NFYC: variants seen among roughly 807,000 people sequenced by gnomAD.
The protein encoded by NFYC is CAAT box DNA-binding protein subunit C.
Under a neutral mutation model 53.1 loss-of-function variants are expected in NFYC, and 25 were observed. The ratio of observed to expected loss-of-function variants is 0.47; its 90% CI spans 0.34 to 0.66. NFYC has a LOEUF of 0.66. Among genes scored for constraint, NFYC ranks in the 30% least tolerant of loss-of-function variants. NFYC has a pLI of 0.01. For synonymous variants in NFYC, 145 were observed against 152.6 expected, an observed-to-expected ratio of 0.95 and a Z score of 0.37; for missense variants, 260 against 422.7, an observed-to-expected ratio of 0.62 and a Z score of 3.38.
intron 1 of NFYC, among the ~76,000 whole-genome samples, chr1:40,697,267 C>A (rs1011530405): frequency 6.6e-6 from 1 of 152,210 alleles, no homozygotes; most frequent in African/African-American, 2.4e-5. Flanking sequence ...CAGCCCGTTA[C>A]AGCTTCCTTG....
chr1:40,765,917 T>TA (rs1557934725), intron 7 of NFYC, among the ~76,000 whole-genome samples: 1 of 152,234 alleles, frequency 6.6e-6, no homozygotes, highest in East Asian at 1.9e-4. Flanking sequence ...TGAGAGACTC[T>TA]AAGGGCGCTT....
chr1:40,753,340 G>A lies in NFYC; in HGVS notation c.387+94G>A, dbSNP rs1050181475. On this transcript the variant is annotated intron_variant, in intron 5 of 9. Transcript: ENST00000447388. Reference sequence around the variant, plus strand: ...CCTTCTCTCTCAGCACAAGTCATTTGCTATTCCTTTTGCTTCTCGTTTCTA... The same window carrying A: ...CCTTCTCTCTCAGCACAAGTCATTTACTATTCCTTTTGCTTCTCGTTTCTA... 2.5e-5 allele frequency: 20 copies of A among 805,030 alleles called. No individual in the cohort carries two copies. The South Asian group carries it at 3.2e-4, about 13-fold the overall frequency. 49.9% of individuals were successfully genotyped at this position (805,030 alleles called of 1,614,324 possible).
At position 40,749,717 on chromosome 1, in the gene NFYC, G is replaced by C. The variant is rs765223710; in HGVS notation, c.291+31G>C. 1.9e-6 allele frequency: 3 copies of C among 1,562,778 alleles called. No individual in the cohort carries two copies. In the East Asian group the frequency reaches 6.7e-5, roughly 35 times the overall value. On this transcript the variant is annotated intron_variant, in intron 4 of 9. Coordinates refer to ENST00000447388, the MANE Select transcript of NFYC (RefSeq NM_014223.5). ...ATTGCAGACTTAGATTAGGAAAACT[G>C]GGGTAAGCAGCAGCCTTTGCCTGTT...
intron 1 of NFYC, among the ~76,000 whole-genome samples, chr1:40,733,285 T>TA (rs1202736954): frequency 6.6e-6 from 1 of 151,732 alleles, no homozygotes; most frequent in East Asian, 2.0e-4. Flanking sequence ...GCCTCCTTAA[T>TA]GCTCCCAAGG....
At chr1:40,714,893 A>C (rs1644069015) in intron 1 of NFYC, among the ~76,000 whole-genome samples, 1 of 151,838 alleles carries the variant, frequency 6.6e-6, no homozygotes, top group South Asian at 2.1e-4. Flanking sequence ...ATCCTGGCTA[A>C]CATGGTTAAA....
intron 1 of NFYC, among the ~76,000 whole-genome samples, chr1:40,705,214 T>A (rs1460874165): frequency 6.6e-6 from 1 of 152,262 alleles, no homozygotes. Context: ...GCCTTCCAAG[T>A]GCTTAGTTGT....
intron 1 of NFYC, among the ~76,000 whole-genome samples, chr1:40,733,198 T>G (rs1344917134): frequency 6.6e-6 from 1 of 151,984 alleles, no homozygotes; most frequent in Admixed American, 6.5e-5. Context: ...CACATTGATG[T>G]GTATGTCATA....
chr1:40,733,749 T>A (rs1187609110), intron 1 of NFYC, among the ~76,000 whole-genome samples: 5 of 151,532 alleles, frequency 3.3e-5, no homozygotes, highest in Admixed American at 6.6e-5. Flanking sequence ...ATTTTTTTTT[T>A]ATTCTTCTTT....
intron 3 of NFYC, among the ~76,000 whole-genome samples, chr1:40,748,083 G>C (rs1645712927): frequency 6.6e-6 from 1 of 152,006 alleles, no homozygotes; most frequent in African/African-American, 2.4e-5. Flanking sequence ...TGATATGCCT[G>C]CCTCTGCCTC....
At position 40,729,766 on chromosome 1, in the gene NFYC, C is replaced by A. The variant is rs74553246; in HGVS notation, c.-8-9070C>A. Among the ~76,000 whole-genome samples the A allele has an allele frequency of 6.7e-4, 101 of 151,276 alleles. No homozygotes were observed. The East Asian group carries it at 0.018, about 27-fold the overall frequency. On this transcript the variant is annotated intron_variant, in intron 1 of 9. Transcript: ENST00000447388. The stretch of plus-strand genomic sequence containing the variant: ...TCTCAGCTGACTGCAACCTTCGCCT[C>A]CTGGGTTCAAGAGATTCTTCTGCCT...
In NFYC at chr1:40,771,018, T is replaced by C; in HGVS notation, c.*190T>C. The C allele has an allele frequency of 1.6e-6, 1 of 612,922 alleles. No homozygotes were observed. The highest frequency in any genetic ancestry group is 2.8e-6 in the Non-Finnish European group (1 of 352,042). The allele number at this position is 612,922 out of a possible 1,614,324, so 38.0% of individuals were successfully genotyped here. A position where few individuals can be genotyped will look rare whatever the true frequency, so the allele number is the denominator to read the frequency against. ...GCAGAAAGATGCAATATTTTTTGTTTCCTTTTTTTCCATTTTTTTCTCTAA... is the reference window on the plus strand; with the variant it reads ...GCAGAAAGATGCAATATTTTTTGTTCCCTTTTTTTCCATTTTTTTCTCTAA... On this transcript the variant is annotated 3_prime_UTR_variant, in exon 10 of 10. Transcript: ENST00000447388.
Position 40,770,940 on chromosome 1 carries a change from CA to C in NFYC, c.*113del, listed in dbSNP as rs1248586049. 1 of 1,101,554 alleles carries C rather than the reference CA, an allele frequency of 9.1e-7. No homozygotes were observed. Among genetic ancestry groups the C allele is most frequent in the Non-Finnish European group, 1.3e-6 (1 of 752,302 alleles). 68.2% of individuals were successfully genotyped at this position (1,101,554 alleles called of 1,614,324 possible). A position where few individuals can be genotyped will look rare whatever the true frequency, so the allele number is the denominator to read the frequency against. ...ACCCGGCCGACCTCAGCGCCTCCTG[CA>C]GGCTAGGACACTGGTGCACTACACC... is the stretch of plus-strand genomic sequence containing the variant. On this transcript the variant is annotated 3_prime_UTR_variant, in exon 10 of 10. Coordinates refer to ENST00000447388, the MANE Select transcript of NFYC (RefSeq NM_014223.5). The surrounding 1 kb of genome is among the most constrained non-coding windows in gnomAD (Gnocchi z 5.3).
intron 1 of NFYC, chr1:40,723,725 A>G (rs1644408206): frequency 6.6e-6 from 1 of 152,036 alleles, no homozygotes; most frequent in Non-Finnish European, 1.5e-5. Flanking sequence ...GCTGGAGTGC[A>G]GTGGCGCAAT....
chr1:40,717,290 T>A (rs1644172344), intron 1 of NFYC, among the ~76,000 whole-genome samples: 1 of 152,204 alleles, frequency 6.6e-6, no homozygotes, highest in Non-Finnish European at 1.5e-5. Context: ...CTCTAAGCTT[T>A]TTTTGGTTGC....
chr1:40,735,590 A>G, intron 1 of NFYC: 1 of 985,388 alleles, frequency 1.0e-6, no homozygotes, highest in Non-Finnish European at 1.2e-6. Context: ...CCAGACTTTT[A>G]AATCGTACAG....
intron 5 of NFYC, chr1:40,757,401 C>T (rs747783906): frequency 1.9e-6 from 1 of 531,118 alleles, no homozygotes; most frequent in Non-Finnish European, 3.9e-6. Flanking sequence ...GAACAGTCTC[C>T]ACTCCGCAGA....
chr1:40,747,218 A>C (rs545266408), intron 2 of NFYC, among the ~76,000 whole-genome samples: 88 of 146,150 alleles, frequency 6.0e-4, no homozygotes, highest in African/African-American at 2.2e-3. Context: ...GAAGGCGCTC[A>C]TAATGTCCCT....
intron 1 of NFYC, chr1:40,723,884 C>G (rs1223076223): frequency 1.3e-5 from 2 of 151,992 alleles, no homozygotes; most frequent in African/African-American, 2.4e-5. Context: ...ACTATGTTGC[C>G]CAGGCTGATC....
At chr1:40,764,029 G>A (rs1646696075) in intron 7 of NFYC, among the ~76,000 whole-genome samples, 1 of 152,230 alleles carries the variant, frequency 6.6e-6, no homozygotes, top group African/African-American at 2.4e-5. Context: ...ACTGTGGACT[G>A]CTGCTTCCTG....
Sources: allele counts gnomAD v4.1 joint callset (sites outside exome capture counted in the v4.1 genomes callset), GRCh38; gene constraint gnomAD v4.1.1; non-coding constraint Gnocchi (gnomAD v3.1); transcripts MANE v1.5; gene names NCBI Gene and HGNC (gene_info 2026-07-23, HGNC 2026-07-21).